Variants in LRBA observed in about 807,000 individuals in gnomAD.
LRBA encodes LPS responsive beige-like anchor protein.
Under a neutral mutation model 330.0 loss-of-function variants are expected in LRBA, and 176 were observed. The ratio of observed to expected loss-of-function variants is 0.53; its 90% CI spans 0.47 to 0.60. The LOEUF (loss-of-function observed/expected upper bound fraction) is 0.60, where lower values mean the gene tolerates loss of function less well. Ranked by LOEUF, LRBA falls within the 20% of genes least tolerant of loss-of-function variation. LRBA has a pLI of 0.00. For synonymous variants in LRBA, 1,230 were observed against 1,193.0 expected, an observed-to-expected ratio of 1.03 and a Z score of -0.64; for missense variants, 3,259 against 3,444.8, an observed-to-expected ratio of 0.95 and a Z score of 1.35.
intron 26 of LRBA, among the ~76,000 whole-genome samples, chr4:150,848,511 TTGACA>T (rs1750162232): frequency 6.6e-6 from 1 of 150,780 alleles, no homozygotes; most frequent in Non-Finnish European, 1.5e-5. Flanking sequence ...GCCCAGGATT[TTGACA>T]CCAGCCTTGG....
intron 37 of LRBA, among the ~76,000 whole-genome samples, chr4:150,618,447 T>C (rs1012075096): frequency 6.6e-6 from 1 of 152,164 alleles, no homozygotes; most frequent in Non-Finnish European, 1.5e-5. Context: ...GTTCATGAGA[T>C]TCCCTCAACT....
intron 34 of LRBA, among the ~76,000 whole-genome samples, chr4:150,783,280 A>G (rs997053170): frequency 2.0e-5 from 3 of 152,186 alleles, no homozygotes; most frequent in Admixed American, 6.5e-5. Flanking sequence ...AGCAAATAGA[A>G]TCCTGTTCTC....
At chr4:150,536,990 C>T (rs1764722473) in intron 40 of LRBA, among the ~76,000 whole-genome samples, 1 of 152,156 alleles carries the variant, frequency 6.6e-6, no homozygotes, top group Non-Finnish European at 1.5e-5. Context: ...ATTCTAAAAT[C>T]ATATGGAAGC....
At chr4:150,640,651 C>T (rs1180855659) in intron 37 of LRBA, among the ~76,000 whole-genome samples, 1 of 152,108 alleles carries the variant, frequency 6.6e-6, no homozygotes, top group Non-Finnish European at 1.5e-5. Flanking sequence ...CTCCTGCTCA[C>T]CATAATTTCT....
chr4:150,815,945 ACTT>A (rs1020539850), intron 31 of LRBA, among the ~76,000 whole-genome samples: 4 of 152,022 alleles, frequency 2.6e-5, no homozygotes, highest in Non-Finnish European at 5.9e-5. Flanking sequence ...TACATTTAAA[ACTT>A]CTTATAAAAT....
chr4:150,472,901 T>C (rs1166105548), intron 42 of LRBA, among the ~76,000 whole-genome samples: 1 of 152,168 alleles, frequency 6.6e-6, no homozygotes, highest in Non-Finnish European at 1.5e-5. Context: ...TTGATGGACA[T>C]TTAACAGTTT....
At position 150,491,034 on chromosome 4, in the gene LRBA, A is replaced by T; in HGVS notation, c.6332T>A (p.Ile2111Asn). The T allele has an allele frequency of 6.7e-7, 1 of 1,494,106 alleles. No individual in the cohort carries two copies. The highest frequency in any genetic ancestry group is 9.2e-7 in the Non-Finnish European group (1 of 1,087,092). 92.6% of individuals were successfully genotyped at this position (1,494,106 alleles called of 1,614,324 possible). Reference protein sequence around the residue: ...DPNFKKIDPKILAYTEGLHGK... With the variant: ...DPNFKKIDPKNLAYTEGLHGK... ...ATGCAGCCCTTCTGTATATGCCAAG[A>T]TCTAATGAGGAAAAAAATAATCCCA... Residue 2111 changes from isoleucine (I) to asparagine (N), a missense_variant and splice_region_variant, in exon 41 of 57, where the codon ATC (isoleucine) becomes AAC (asparagine). Physicochemically the swap from Ile to Asn is moderately radical, Grantham distance 149. Coordinates refer to ENST00000651943, the MANE Select transcript of LRBA (RefSeq NM_001364905.1).
At chr4:150,469,541 C>T (rs369979889) in intron 43 of LRBA, among the ~76,000 whole-genome samples, 16 of 152,104 alleles carry the variant, frequency 1.1e-4, no homozygotes, top group African/African-American at 3.6e-4. Context: ...ATATAAGTTT[C>T]CTCTCACTAC....
At position 150,583,762 on chromosome 4, in the gene LRBA, G is replaced by A. The variant is rs760163661; in HGVS notation, c.6330+4286C>T. On this transcript the variant is annotated intron_variant, in intron 40 of 56. Transcript: ENST00000651943. This position sits in a 1 kb window ranked among gnomAD's most constrained non-coding sequence, Gnocchi z 9.8. ...GGCGGAGAACCGCCTGCTGATGGGCGGCTGCCGAAACAAGTGCCTCTCAGT... is the reference window on the plus strand; with the variant it reads ...GGCGGAGAACCGCCTGCTGATGGGCAGCTGCCGAAACAAGTGCCTCTCAGT... The A allele has an allele frequency of 1.9e-6, 3 of 1,613,910 alleles. No homozygotes were observed.
chr4:150,775,120 G>A (rs976213376), intron 34 of LRBA, among the ~76,000 whole-genome samples: 11 of 152,050 alleles, frequency 7.2e-5, no homozygotes, highest in African/African-American at 1.4e-4. Context: ...CTCCCAATGC[G>A]TTCAGGTTTT....
intron 40 of LRBA, among the ~76,000 whole-genome samples, chr4:150,493,820 G>A (rs999208016): frequency 2.4e-4 from 37 of 152,094 alleles, no homozygotes; most frequent in African/African-American, 6.8e-4. Flanking sequence ...AGAAAAACAA[G>A]AGCCAGGGCC....
chr4:150,387,687 G>T (rs79271602), intron 47 of LRBA, among the ~76,000 whole-genome samples: 4 of 152,062 alleles, frequency 2.6e-5, no homozygotes, highest in Admixed American at 6.6e-5. Flanking sequence ...GGGTGAGGAG[G>T]GGGTGGAGTC....
intron 5 of LRBA, among the ~76,000 whole-genome samples, chr4:150,917,654 C>T (rs892484290): frequency 5.9e-5 from 9 of 152,068 alleles, no homozygotes; most frequent in African/African-American, 1.7e-4. Context: ...AGGCCAGATA[C>T]GGTGGCTCAC....
intron 2 of LRBA, among the ~76,000 whole-genome samples, chr4:150,991,968 T>C (rs1014852758): frequency 6.6e-6 from 1 of 152,228 alleles, no homozygotes; most frequent in African/African-American, 2.4e-5. Context: ...GAATAAAGTC[T>C]GTCTCAGAGT....
At chr4:151,011,094 G>A (rs576619577) in intron 2 of LRBA, among the ~76,000 whole-genome samples, 87 of 150,996 alleles carry the variant, frequency 5.8e-4, no homozygotes, top group African/African-American at 1.8e-3. Flanking sequence ...GGCTGACGCC[G>A]GAGAATGGCA....
intron 36 of LRBA, among the ~76,000 whole-genome samples, chr4:150,707,230 T>C (rs1464300259): frequency 6.6e-6 from 1 of 151,630 alleles, no homozygotes; most frequent in African/African-American, 2.4e-5. Flanking sequence ...TTTTTTATTT[T>C]AAATTACCTA....
At chr4:150,863,682 T>A (rs753859801) in intron 22 of LRBA, among the ~76,000 whole-genome samples, 4 of 152,098 alleles carry the variant, frequency 2.6e-5, no homozygotes, top group Non-Finnish European at 5.9e-5. Context: ...AGCTAATAAT[T>A]ACTATAAATC....
chr4:150,900,066 A>C lies in LRBA; in HGVS notation c.1907T>G (p.Ile636Ser). The change falls in exon 14 of 57, where the codon ATC becomes AGC. Residue 636 changes from isoleucine (I) to serine (S), a missense_variant. Ile to Ser is a moderately radical substitution (Grantham distance 142, BLOSUM62 -2). Coordinates refer to ENST00000651943, the MANE Select transcript of LRBA (RefSeq NM_001364905.1). Reference sequence around the variant, plus strand: ...TTATATACCTAATCCTTTTGGGGTGATACCACTTCGATCCTGAGGATTCAC... The same window carrying C: ...TTATATACCTAATCCTTTTGGGGTGCTACCACTTCGATCCTGAGGATTCAC... The part of the protein sequence containing the change: ...WAVNPQDRSG[I>S]TPKGLDGPRP... 1.7e-5 allele frequency: 27 copies of C among 1,612,552 alleles called. No homozygotes were observed. The highest frequency in any genetic ancestry group is 2.3e-5 in the Non-Finnish European group (27 of 1,178,954).
rs2151993318 is a variant in LRBA, at chr4:150,435,587, A to G, written c.7041+2T>C. The G allele has an allele frequency of 6.2e-7, 1 of 1,602,654 alleles. No homozygotes were observed. Among genetic ancestry groups the G allele is most frequent in the East Asian group, 2.2e-5 (1 of 44,736 alleles). ...CAACTATAAAACAAAACATTTCTGT[A>G]CCTTAATATCAGAGGTATCACGCTG... On this transcript the variant is annotated splice_donor_variant, in intron 46 of 56. Coordinates refer to ENST00000651943, the MANE Select transcript of LRBA (RefSeq NM_001364905.1). LOFTEE classifies it high-confidence loss of function.
Sources: allele counts gnomAD v4.1 joint callset (sites outside exome capture counted in the v4.1 genomes callset), GRCh38; gene constraint gnomAD v4.1.1; non-coding constraint Gnocchi (gnomAD v3.1); transcripts MANE v1.5; gene names NCBI Gene and HGNC (gene_info 2026-07-23, HGNC 2026-07-21).